Variants in BMERB1 observed in about 807,000 individuals in gnomAD.
BMERB1 encodes bMERB domain-containing protein 1.
Under a neutral mutation model 23.6 loss-of-function variants are expected in BMERB1, and 12 were observed. That is an observed-to-expected ratio of 0.51 (90% CI 0.33 to 0.82). The LOEUF is 0.82. Among genes scored for constraint, BMERB1 ranks in the 40% least tolerant of loss-of-function variants. BMERB1 has a pLI of 0.03. For synonymous variants in BMERB1, 122 were observed against 96.6 expected (o/e 1.26, Z -1.54); for missense variants, 247 against 255.4 (o/e 0.97, Z 0.22).
chr16:15,578,224 CTCTT>C (rs777030484), intron 3 of BMERB1, among the ~76,000 whole-genome samples: 4 of 146,818 alleles, frequency 2.7e-5, no homozygotes, highest in African/African-American at 2.6e-5. Flanking sequence ...TTCTCTTCTC[CTCTT>C]TTTTTTTTTT....
intron 1 of BMERB1, among the ~76,000 whole-genome samples, chr16:15,463,308 G>C (rs1015007095): frequency 1.3e-5 from 2 of 150,334 alleles, no homozygotes; most frequent in African/African-American, 5.0e-5. Flanking sequence ...TACTCAGGTT[G>C]GTCTTGAACT....
chr16:15,522,343 A>G (rs1447476427), intron 2 of BMERB1, among the ~76,000 whole-genome samples: 2 of 152,166 alleles, frequency 1.3e-5, no homozygotes, highest in Non-Finnish European at 2.9e-5. Flanking sequence ...CGTTTTATTA[A>G]GAGGTACCAA....
At chr16:15,518,894 A>G (rs777851854) in intron 2 of BMERB1, among the ~76,000 whole-genome samples, 2 of 152,020 alleles carry the variant, frequency 1.3e-5, no homozygotes, top group South Asian at 2.1e-4. Flanking sequence ...AGCTTTGAGT[A>G]TAAACTACCA....
intron 3 of BMERB1, among the ~76,000 whole-genome samples, chr16:15,572,411 G>A (rs1192228498): frequency 1.3e-5 from 2 of 152,194 alleles, no homozygotes; most frequent in Non-Finnish European, 2.9e-5. Context: ...GGATAAACGA[G>A]TGAATAGACT....
chr16:15,561,558 C>T (rs2030422541), intron 2 of BMERB1, among the ~76,000 whole-genome samples: 1 of 152,016 alleles, frequency 6.6e-6, no homozygotes, highest in Non-Finnish European at 1.5e-5. Context: ...TGTGAGCCAC[C>T]CCACCCAGCC....
chr16:15,533,338 A>G (rs1050092991), intron 2 of BMERB1, among the ~76,000 whole-genome samples: 3 of 152,184 alleles, frequency 2.0e-5, no homozygotes, highest in Non-Finnish European at 4.4e-5. Context: ...AGGGGCACCT[A>G]AGATTTGTCT....
At chr16:15,461,083 C>T (rs981585287) in intron 1 of BMERB1, among the ~76,000 whole-genome samples, 1 of 151,038 alleles carries the variant, frequency 6.6e-6, no homozygotes, top group Non-Finnish European at 1.5e-5. Flanking sequence ...CAAGATTGCA[C>T]CAGTGCACTC....
chr16:15,550,820 G>A (rs935351584), intron 2 of BMERB1, among the ~76,000 whole-genome samples: 12 of 152,166 alleles, frequency 7.9e-5, no homozygotes, highest in Non-Finnish European at 4.4e-5. Flanking sequence ...GATCTCGGGC[G>A]ATTTACTTAA....
intron 1 of BMERB1, chr16:15,502,512 C>T (rs1314838362): frequency 2.2e-5 from 17 of 760,346 alleles, no homozygotes; most frequent in South Asian, 4.6e-5. Flanking sequence ...AAGCAACGGG[C>T]GGCTTCCCAT....
chr16:15,475,135 G>T (rs976966458), intron 1 of BMERB1, among the ~76,000 whole-genome samples: 1 of 152,134 alleles, frequency 6.6e-6, no homozygotes, highest in African/African-American at 2.4e-5. Context: ...TTGCTTCCTG[G>T]TAGGGGGTGT....
intron 2 of BMERB1, among the ~76,000 whole-genome samples, chr16:15,547,159 G>A (rs1426012166): frequency 6.6e-6 from 1 of 151,456 alleles, no homozygotes; most frequent in Non-Finnish European, 1.5e-5. Context: ...TTACAGGCAT[G>A]CGCCACCATG....
At chr16:15,441,760 A>G (rs904343109) in intron 1 of BMERB1, among the ~76,000 whole-genome samples, 2 of 152,014 alleles carry the variant, frequency 1.3e-5, no homozygotes, top group African/African-American at 4.8e-5. Context: ...GCTCAAAAGC[A>G]ATCTGCCTGT....
At position 15,584,568 on chromosome 16, in the gene BMERB1, A is replaced by AAG. The variant is rs531422194; in HGVS notation, c.502+1331_502+1332insGA. Among the ~76,000 whole-genome samples, 76 of 151,834 alleles carry AAG rather than the reference A, an allele frequency of 5.0e-4. No homozygotes were observed. The South Asian group carries it at 0.014, about 28-fold the overall frequency. On this transcript the variant is annotated intron_variant, in intron 5 of 5. Coordinates refer to ENST00000300006, the MANE Select transcript of BMERB1 (RefSeq NM_033201.3). The stretch of plus-strand genomic sequence containing the variant: ...GCAAGACTCCATCTCAAAAAAAAAA[A>AAG]AAAGAAAGAAAGAAAAGAAATGGAT...
intron 1 of BMERB1, among the ~76,000 whole-genome samples, chr16:15,509,733 G>A (rs1402858968): frequency 6.6e-6 from 1 of 151,956 alleles, no homozygotes; most frequent in African/African-American, 2.4e-5. Flanking sequence ...CAAGCCCCTG[G>A]AGAGAGTGAC....
intron 1 of BMERB1, among the ~76,000 whole-genome samples, chr16:15,479,127 G>A (rs1452756215): frequency 6.6e-6 from 1 of 152,214 alleles, no homozygotes; most frequent in South Asian, 2.1e-4. Flanking sequence ...ACAACTGACA[G>A]TGTTTGTTGC....
intron 1 of BMERB1, among the ~76,000 whole-genome samples, chr16:15,510,397 T>C (rs1332116860): frequency 6.6e-6 from 1 of 152,184 alleles, no homozygotes; most frequent in Non-Finnish European, 1.5e-5. Flanking sequence ...AATGAGAACC[T>C]ACTGAACTTG....
intron 1 of BMERB1, among the ~76,000 whole-genome samples, chr16:15,509,099 G>T (rs2051626900): frequency 1.3e-5 from 2 of 152,038 alleles, no homozygotes; most frequent in Non-Finnish European, 2.9e-5. Context: ...TAAAATGCCA[G>T]TTCCTGGGAT....
intron 3 of BMERB1, among the ~76,000 whole-genome samples, chr16:15,571,392 C>G (rs1236950681): frequency 6.6e-6 from 1 of 150,458 alleles, no homozygotes; most frequent in African/African-American, 2.5e-5. Flanking sequence ...GAGTCTCGCT[C>G]TGTCCCCCAG....
At chr16:15,540,117 A>C (rs1306463330) in intron 2 of BMERB1, among the ~76,000 whole-genome samples, 1 of 152,202 alleles carries the variant, frequency 6.6e-6, no homozygotes, top group African/African-American at 2.4e-5. Context: ...ACTGCACTCC[A>C]ACTTGGACGA....
Sources: allele counts gnomAD v4.1 joint callset (sites outside exome capture counted in the v4.1 genomes callset), GRCh38; gene constraint gnomAD v4.1.1; transcripts MANE v1.5; gene names NCBI Gene and HGNC (gene_info 2026-07-23, HGNC 2026-07-21).